GTF2H3: variants seen among roughly 807,000 people sequenced by gnomAD.
GTF2H3 encodes general transcription factor IIH subunit 3, also known as TFIIH basal transcription factor complex p34 subunit.
In GTF2H3, 42 loss-of-function variants were observed where a neutral mutation model predicts 51.1. The observed-to-expected ratio is 0.82, with a 90% confidence interval of 0.64 to 1.06. The LOEUF (loss-of-function observed/expected upper bound fraction) is 1.06. Ranked by LOEUF, GTF2H3 falls within the 50% of genes least tolerant of loss-of-function variation. The pLI, the probability that GTF2H3 is intolerant of heterozygous loss-of-function variation, is 0.00. For synonymous variants in GTF2H3, 123 were observed against 123.8 expected (o/e 0.99, Z 0.04); for missense variants, 326 against 366.1 (o/e 0.89, Z 0.89).
chr12:123,639,983 C>A, intron 2 of GTF2H3: 1 of 455,862 alleles, frequency 2.2e-6, no homozygotes, highest in South Asian at 1.5e-5. Flanking sequence ...CTCAGCCTCC[C>A]GAGTACTTGG....
At position 123,645,542 on chromosome 12, in the gene GTF2H3, G is replaced by A. The variant is rs865911942; in HGVS notation, c.181G>A (p.Ala61Thr). 5.7e-6 allele frequency: 9 copies of A among 1,585,550 alleles called. No homozygotes were observed. The Middle Eastern group carries it at 6.6e-4, about 117-fold the overall frequency. Reference protein sequence around the residue: ...MNRSNKLAVIASHIQESRFLY... With the variant: ...MNRSNKLAVITSHIQESRFLY... ...TCGTTCCAACAAACTTGCTGTGATAGCAAGTCACATTCAAGAAAGGTATGA... is the reference window on the plus strand; with the variant it reads ...TCGTTCCAACAAACTTGCTGTGATAACAAGTCACATTCAAGAAAGGTATGA... Residue 61 changes from alanine to threonine, a missense_variant, in exon 3 of 13, where the codon GCA (alanine) becomes ACA (threonine). Ala to Thr is a moderately conservative substitution (Grantham distance 58). Coordinates refer to ENST00000543341, the MANE Select transcript of GTF2H3 (RefSeq NM_001516.5).
chr12:123,634,497 G>A lies in GTF2H3; in HGVS notation c.13+625G>A, dbSNP rs146085818. 4.5e-3 allele frequency among the ~76,000 whole-genome samples: 688 copies of A among 152,306 alleles called. 4 individuals carry two copies. The highest frequency in any genetic ancestry group is 7.0e-3 in the Non-Finnish European group (479 of 68,034). On this transcript the variant is annotated intron_variant, in intron 1 of 12. Coordinates refer to ENST00000543341, the MANE Select transcript of GTF2H3 (RefSeq NM_001516.5). ...GGATGAAAAGAGCTATGAAGATGATGTAACAGTACGGTCCTAGTTACAATA... is the reference window on the plus strand; with the variant it reads ...GGATGAAAAGAGCTATGAAGATGATATAACAGTACGGTCCTAGTTACAATA...
intron 4 of GTF2H3, chr12:123,649,624 T>A (rs1168118654): frequency 6.6e-6 from 1 of 152,214 alleles, no homozygotes; most frequent in East Asian, 1.9e-4. Context: ...CTTTCCTGGC[T>A]CCCTGCTGCC....
chr12:123,654,799 T>G (rs1955565975), intron 7 of GTF2H3, 125 bp from the exon 8 acceptor site: 1 of 706,622 alleles, frequency 1.4e-6, no homozygotes, highest in East Asian at 2.6e-5. Context: ...TAGGTATCAT[T>G]TAACAATGAT....
chr12:123,643,148 G>C (rs969863260), intron 2 of GTF2H3, among the ~76,000 whole-genome samples: 3 of 152,172 alleles, frequency 2.0e-5, no homozygotes, highest in Non-Finnish European at 4.4e-5. Flanking sequence ...AAAGTGCTGG[G>C]ATTACAGGTG....
chr12:123,646,103 T>G (rs575174451), intron 3 of GTF2H3, among the ~76,000 whole-genome samples: 1 of 152,326 alleles, frequency 6.6e-6, no homozygotes, highest in South Asian at 2.1e-4. Context: ...TGTGTTAGAC[T>G]CACTGCAAGA....
chr12:123,639,277 T>C lies in GTF2H3; in HGVS notation c.27T>C (p.Asn9=), dbSNP rs1249458392. The change falls in exon 2 of 13, where the codon AAT becomes AAC. Residue 9 remains asparagine (N), a synonymous_variant. Transcript: ENST00000543341. The part of the protein sequence containing the change: MVSDEDEL[N]LLVIVVDANP... Reference sequence around the variant, plus strand: ...TAATATTTTCAGAAGATGAATTGAATCTTCTGGTTATTGTAGTTGATGCCA... The same window carrying C: ...TAATATTTTCAGAAGATGAATTGAACCTTCTGGTTATTGTAGTTGATGCCA... 2 of 1,533,904 alleles carry C rather than the reference T, an allele frequency of 1.3e-6. No homozygotes were observed. The highest frequency in any genetic ancestry group is 1.8e-6 in the Non-Finnish European group (2 of 1,107,630).
In GTF2H3 at chr12:123,639,464, A is replaced by G. The variant is rs1955336622; in HGVS notation, c.93+121A>G. ...TACTGTAATATTCAGCCACTGTACA[A>G]TTCAGTGATTTTTTTTAAGTAAATT... On this transcript the variant is annotated intron_variant, in intron 2 of 12. Coordinates refer to ENST00000543341, the MANE Select transcript of GTF2H3 (RefSeq NM_001516.5). 1.1e-5 allele frequency: 6 copies of G among 561,184 alleles called. No homozygotes were observed. The South Asian group carries it at 1.6e-4, about 15-fold the overall frequency. The allele number at this position is 561,184 out of a possible 1,614,324, so 34.8% of individuals were successfully genotyped here.
At chr12:123,647,042 A>G (rs1024346279) in intron 3 of GTF2H3, among the ~76,000 whole-genome samples, 1 of 150,472 alleles carries the variant, frequency 6.6e-6, no homozygotes, top group South Asian at 2.1e-4. Context: ...AGTCCCAGCT[A>G]CTCGTTAGGC....
At chr12:123,637,293 G>A (rs1049270244) in intron 1 of GTF2H3, among the ~76,000 whole-genome samples, 5 of 151,874 alleles carry the variant, frequency 3.3e-5, no homozygotes, top group Non-Finnish European at 7.4e-5. Context: ...CCTTACTACT[G>A]GGGAGGCTGA....
intron 3 of GTF2H3, among the ~76,000 whole-genome samples, chr12:123,646,318 A>C (rs1398428038): frequency 6.8e-6 from 1 of 147,522 alleles, no homozygotes; most frequent in Non-Finnish European, 1.5e-5. Context: ...GTGCAGTGGC[A>C]CTATCATGGG....
intron 5 of GTF2H3, among the ~76,000 whole-genome samples, chr12:123,651,947 T>C (rs1955526250): frequency 6.6e-6 from 1 of 152,244 alleles, no homozygotes; most frequent in Non-Finnish European, 1.5e-5. Context: ...TTCTTGTTTC[T>C]TATTTTGATA....
intron 1 of GTF2H3, among the ~76,000 whole-genome samples, chr12:123,637,616 C>T (rs756512067): frequency 2.6e-5 from 4 of 151,678 alleles, no homozygotes; most frequent in East Asian, 1.9e-4. Context: ...GATTCTCCTG[C>T]CTCAGCCTCC....
chr12:123,656,598 G>T (rs1175901065), intron 9 of GTF2H3, among the ~76,000 whole-genome samples: 1 of 152,064 alleles, frequency 6.6e-6, no homozygotes, highest in Non-Finnish European at 1.5e-5. Flanking sequence ...CGTCTGGCAG[G>T]CATCTTCAGT....
intron 9 of GTF2H3, 83 bp from the exon 10 acceptor site, chr12:123,659,433 C>A: frequency 1.0e-6 from 1 of 959,420 alleles, no homozygotes; most frequent in Non-Finnish European, 1.7e-6. Flanking sequence ...TTTGTAGGCC[C>A]AAGGCATTGC....
intron 11 of GTF2H3, 40 bp downstream of exon 11, chr12:123,659,970 G>A (rs1363581286): frequency 3.1e-6 from 5 of 1,603,636 alleles, no homozygotes; most frequent in Middle Eastern, 1.7e-4. Flanking sequence ...TTTCTATGTT[G>A]GGGGGCAGGA....
intron 3 of GTF2H3, among the ~76,000 whole-genome samples, 161 bp from the exon 4 acceptor site, chr12:123,647,802 A>G (rs928452443): frequency 1.3e-5 from 2 of 152,068 alleles, no homozygotes; most frequent in Non-Finnish European, 2.9e-5. Flanking sequence ...TTCTAATTTT[A>G]TCTTACACAT....
chr12:123,645,134 A>G (rs1955428905), intron 2 of GTF2H3, among the ~76,000 whole-genome samples: 1 of 152,176 alleles, frequency 6.6e-6, no homozygotes, highest in Non-Finnish European at 1.5e-5. Flanking sequence ...ACAGTGGTAC[A>G]ATCTTGGCTC....
intron 1 of GTF2H3, among the ~76,000 whole-genome samples, chr12:123,636,890 C>T (rs1386997766): frequency 1.3e-5 from 2 of 151,978 alleles, no homozygotes; most frequent in Admixed American, 6.6e-5. Context: ...ACACTCCACC[C>T]TGGGCAACAA....
Sources: allele counts gnomAD v4.1 joint callset (sites outside exome capture counted in the v4.1 genomes callset), GRCh38; gene constraint gnomAD v4.1.1; transcripts MANE v1.5; gene names NCBI Gene and HGNC (gene_info 2026-07-23, HGNC 2026-07-21).